EEF1AKMT4: variants seen among roughly 807,000 people sequenced by gnomAD.
EEF1AKMT4 encodes the protein EEF1A lysine methyltransferase 4.
EEF1AKMT4 carries 17 observed loss-of-function variants against 23.0 expected under a neutral mutation model. That is an observed-to-expected ratio of 0.74 (90% CI 0.51 to 1.11). EEF1AKMT4 has a LOEUF of 1.11. EEF1AKMT4 is among the 50% of genes least tolerant of loss of function. EEF1AKMT4 has a pLI of 0.00. For synonymous variants in EEF1AKMT4, 140 were observed against 141.4 expected, an observed-to-expected ratio of 0.99 and a Z score of 0.07; for missense variants, 318 against 333.4, an observed-to-expected ratio of 0.95 and a Z score of 0.36.
At chr3:184,250,200 T>TC (rs1719466549) in intron 1 of EEF1AKMT4, among the ~76,000 whole-genome samples, 1 of 152,142 alleles carries the variant, frequency 6.6e-6, no homozygotes, top group Non-Finnish European at 1.5e-5. Context: ...AGGACCGAGA[T>TC]CAAGTCCTAG....
chr3:184,254,606 G>A (rs554881989), intron 1 of EEF1AKMT4, among the ~76,000 whole-genome samples: 21 of 151,294 alleles, frequency 1.4e-4, no homozygotes, highest in East Asian at 9.7e-4. Context: ...CCAGCTACTC[G>A]GGAGGCTGAG....
chr3:184,258,244 T>C, intron 2 of EEF1AKMT4, 44 bp from the exon 3 acceptor site: 1 of 1,551,174 alleles, frequency 6.4e-7, no homozygotes. Context: ...TTTGAGAACC[T>C]GAAGATCCAC....
chr3:184,249,995 A>G (rs1719452461), intron 1 of EEF1AKMT4, 105 bp downstream of exon 1: 1 of 1,315,090 alleles, frequency 7.6e-7, no homozygotes, highest in East Asian at 2.4e-5. Context: ...CTCTTGGAGG[A>G]CGCCTGCGTT....
chr3:184,257,355 C>G (rs1719853949), intron 1 of EEF1AKMT4, 118 bp from the exon 2 acceptor site: 5 of 1,065,960 alleles, frequency 4.7e-6, no homozygotes, highest in African/African-American at 1.6e-5. Flanking sequence ...GCCACCTCCT[C>G]TCAGTACTAG....
Position 184,251,532 on chromosome 3 carries a change from C to CA in EEF1AKMT4, c.196+1656dup, listed in dbSNP as rs746399253. 8.1e-3 allele frequency among the ~76,000 whole-genome samples: 1,099 copies of CA among 134,888 alleles called. 5 individuals are homozygous for CA. Among genetic ancestry groups the CA allele is most frequent in the Middle Eastern group, 0.022 (6 of 268 alleles). The allele number at this position is 134,888 out of a possible 152,430, so 88.5% of individuals were successfully genotyped here. A position where few individuals can be genotyped will look rare whatever the true frequency, so the allele number is the denominator to read the frequency against. ...TGGGTGACAGAGTAAGACCCTGTCT[C>CA]AAAAAAAAAAAAAATTAAAACTTAG... On this transcript the variant is annotated intron_variant, in intron 1 of 2. Coordinates refer to ENST00000324557, the MANE Select transcript of EEF1AKMT4 (RefSeq NM_032331.4).
chr3:184,258,060 G>A (rs1719893401), intron 2 of EEF1AKMT4, among the ~76,000 whole-genome samples: 1 of 152,106 alleles, frequency 6.6e-6, no homozygotes, highest in African/African-American at 2.4e-5. Flanking sequence ...GGAAAGTGGT[G>A]CCCCTATACC....
In EEF1AKMT4 at chr3:184,249,897, A is replaced by T; in HGVS notation, c.196+7A>T. The T allele has an allele frequency of 6.2e-7, 1 of 1,603,544 alleles. No homozygotes were observed. Reference sequence around the variant, plus strand: ...GACCGTATCCTTGTGCTAGGTGGGTAATCCCGGCGCGGCCCCGCCAGGTAG... The same window carrying T: ...GACCGTATCCTTGTGCTAGGTGGGTTATCCCGGCGCGGCCCCGCCAGGTAG... On this transcript the variant is annotated splice_region_variant and intron_variant, in intron 1 of 2. Coordinates refer to ENST00000324557, the MANE Select transcript of EEF1AKMT4 (RefSeq NM_032331.4).
In EEF1AKMT4 at chr3:184,258,533, G is replaced by A. The variant is rs748138395; in HGVS notation, c.726G>A (p.Gln242=). 8.1e-6 allele frequency: 13 copies of A among 1,608,850 alleles called. No homozygotes were observed. In the African/African-American group the frequency reaches 1.7e-4, roughly 22 times the overall value. The change falls in exon 3 of 3, where the codon CAG becomes CAA. Residue 242 remains glutamine (Q), a synonymous_variant. Coordinates refer to ENST00000324557, the MANE Select transcript of EEF1AKMT4 (RefSeq NM_032331.4). The part of the protein sequence containing the change: ...PRPPTSPCFL[Q]DSDHEDFLSA... ...CTCCCACCTCACCTTGCTTCCTTCA[G>A]GACTCAGATCATGAGGACTTCCTTA... is the stretch of plus-strand genomic sequence containing the variant.
intron 1 of EEF1AKMT4, among the ~76,000 whole-genome samples, chr3:184,254,166 G>T (rs1411913570): frequency 6.6e-6 from 1 of 152,154 alleles, no homozygotes; most frequent in Non-Finnish European, 1.5e-5. Flanking sequence ...GGTCCCTATG[G>T]CTGAGACATC....
rs372482880 is a variant in EEF1AKMT4 at position 184,257,599 on chromosome 3, G to C, written c.323G>C (p.Arg108Pro). ...CGCCATGCCCATGTGCCGCAGCTGC[G>C]CTGGGAGACCATGGATGTGCGGAAG... ...QARHAHVPQLRWETMDVRKLD... is the reference protein window; with the variant it reads ...QARHAHVPQLPWETMDVRKLD... Residue 108 changes from arginine to proline, a missense_variant, in exon 2 of 3, where the codon CGC becomes CCC. By Grantham distance (103) the Arg-to-Pro change is moderately radical. Coordinates refer to ENST00000324557, the MANE Select transcript of EEF1AKMT4 (RefSeq NM_032331.4). The C allele has an allele frequency of 3.1e-6, 5 of 1,614,176 alleles. No individual in the cohort carries two copies. In the Admixed American group the frequency reaches 8.3e-5, roughly 27 times the overall value.
At position 184,249,701 on chromosome 3, in the gene EEF1AKMT4, T is replaced by A; in HGVS notation, c.7T>A (p.Ser3Thr). 6.3e-7 allele frequency: 1 copy of A among 1,599,936 alleles called. No homozygotes were observed. The highest frequency in any genetic ancestry group is 8.5e-7 in the Non-Finnish European group (1 of 1,170,104). The change falls in exon 1 of 3, where the codon TCT becomes ACT. Residue 3 changes from serine to threonine, a missense_variant. Transcript: ENST00000324557. MA[S>T]PGAGRAPPEL... is the part of the protein sequence containing the mutation. ...CTGCCCGGCGGTTGAGAGCATGGCCTCTCCAGGGGCAGGTAGGGCGCCTCC... is the reference window on the plus strand; with the variant it reads ...CTGCCCGGCGGTTGAGAGCATGGCCACTCCAGGGGCAGGTAGGGCGCCTCC...
At position 184,254,747 on chromosome 3, in the gene EEF1AKMT4, G is replaced by A. The variant is rs151302767; in HGVS notation, c.197-2726G>A. Among the ~76,000 whole-genome samples, 574 of 152,024 alleles carry A rather than the reference G, an allele frequency of 3.8e-3. 2 individuals carry two copies. Among genetic ancestry groups the A allele is most frequent in the South Asian group, 8.1e-3 (39 of 4,820 alleles). ...TTTAGATTTCCTATAAAGAGAAAAG[G>A]GACTGGCCAGAGGATTCAACTCCTG... On this transcript the variant is annotated intron_variant, in intron 1 of 2. Transcript: ENST00000324557.
At chr3:184,252,318 T>C (rs891440298) in intron 1 of EEF1AKMT4, among the ~76,000 whole-genome samples, 1 of 151,932 alleles carries the variant, frequency 6.6e-6, no homozygotes, top group African/African-American at 2.4e-5. Context: ...AGTCTAAAAA[T>C]CAAAAGGGGA....
intron 1 of EEF1AKMT4, among the ~76,000 whole-genome samples, chr3:184,250,936 T>A (rs1719512718): frequency 6.7e-6 from 1 of 150,320 alleles, no homozygotes; most frequent in Non-Finnish European, 1.5e-5. Context: ...ATACAAAAAA[T>A]TAGTCGGGTG....
At chr3:184,253,820 C>T (rs1230114610) in intron 1 of EEF1AKMT4, among the ~76,000 whole-genome samples, 3 of 152,058 alleles carry the variant, frequency 2.0e-5, no homozygotes, top group East Asian at 1.9e-4. Flanking sequence ...CAGGCGCCCA[C>T]CACCACACCT....
intron 1 of EEF1AKMT4, among the ~76,000 whole-genome samples, chr3:184,252,946 CAAAAAAA>C (rs563455729): frequency 0.023 from 1,046 of 45,402 alleles, 5 homozygotes; most frequent in Non-Finnish European, 0.03. Flanking sequence ...AACTCCATCT[CAAAAAAA>C]AAAAAAAAAA....
Position 184,255,440 on chromosome 3 carries a change from GAT to G in EEF1AKMT4, c.197-2031_197-2030del, listed in dbSNP as rs750537677. On this transcript the variant is annotated intron_variant, in intron 1 of 2. Transcript: ENST00000324557. ...GTACATTGTCCAGGTGCCAAACCCT[GAT>G]AGATTAGGGCTATCCCAACTGCTGA... 3.3e-5 allele frequency among the ~76,000 whole-genome samples: 5 copies of G among 152,330 alleles called. No homozygotes were observed. In the South Asian group the frequency reaches 1.0e-3, roughly 32 times the overall value.
At chr3:184,256,559 C>T (rs1221756978) in intron 1 of EEF1AKMT4, among the ~76,000 whole-genome samples, 1 of 152,084 alleles carries the variant, frequency 6.6e-6, no homozygotes, top group South Asian at 2.1e-4. Context: ...GAAACTGAGG[C>T]TCAAAGAGTT....
intron 1 of EEF1AKMT4, among the ~76,000 whole-genome samples, chr3:184,251,106 A>ATAAAG (rs1553831048): frequency 7.0e-6 from 1 of 142,396 alleles, no homozygotes; most frequent in African/African-American, 2.6e-5. Context: ...AAAAAAAAAG[A>ATAAAG]AAAGAACTTG....
Sources: allele counts gnomAD v4.1 joint callset (sites outside exome capture counted in the v4.1 genomes callset), GRCh38; gene constraint gnomAD v4.1.1; transcripts MANE v1.5; gene names NCBI Gene and HGNC (gene_info 2026-07-23, HGNC 2026-07-21).